ATXN2L: variants seen among roughly 807,000 people sequenced by gnomAD.
ATXN2L encodes the protein ataxin 2 like, also known as ataxin-2-like protein.
In ATXN2L, 24 loss-of-function variants were observed where a neutral mutation model predicts 120.7. The ratio of observed to expected loss-of-function variants is 0.20; its 90% CI spans 0.14 to 0.28. ATXN2L has a LOEUF of 0.28. ATXN2L is among the 10% of genes least tolerant of loss of function. The probability of loss-of-function intolerance (pLI) is 1.00; values close to 1 mark genes in which losing one functional copy is unlikely to be tolerated. For synonymous variants in ATXN2L, 653 were observed against 568.1 expected (o/e 1.15, Z -2.13); for missense variants, 1,312 against 1,432.3 (o/e 0.92, Z 1.36).
chr16:28,827,880 T>C, intron 6 of ATXN2L, among the ~76,000 whole-genome samples: 1 of 152,240 alleles, frequency 6.6e-6, no homozygotes, highest in East Asian at 1.9e-4. Flanking sequence ...GCCACTGTGC[T>C]CCAGCCTGGG....
In ATXN2L at chr16:28,823,539, G is replaced by T; in HGVS notation, c.280G>T (p.Ala94Ser). The T allele has an allele frequency of 7.3e-7, 1 of 1,367,132 alleles. No homozygotes were observed. Among genetic ancestry groups the T allele is most frequent in the Non-Finnish European group, 9.4e-7 (1 of 1,062,718 alleles). 84.7% of individuals were successfully genotyped at this position (1,367,132 alleles called of 1,614,324 possible). A position where few individuals can be genotyped will look rare whatever the true frequency, so the allele number is the denominator to read the frequency against. The stretch of plus-strand genomic sequence containing the variant: ...GCAACACCAGGAGAGGCCGGGGGCA[G>T]CCGCCATCGGCAGCGCCAGGTGAGA... ...PQQHQERPGA[A>S]AIGSARGQST... The change falls in exon 1 of 22, where the codon GCC becomes TCC. Residue 94 changes from alanine to serine, a missense_variant. Transcript: ENST00000336783.
chr16:28,832,778 A>G (rs1239207694), intron 12 of ATXN2L, 39 bp from the exon 13 acceptor site: 3 of 1,603,032 alleles, frequency 1.9e-6, no homozygotes, highest in Non-Finnish European at 2.6e-6. Flanking sequence ...TAGAGAAAGA[A>G]TGTTTTGTAT....
chr16:28,834,086 A>G lies in ATXN2L; in HGVS notation c.2047A>G (p.Thr683Ala), dbSNP rs571133202. The G allele has an allele frequency of 1.1e-5, 18 of 1,613,770 alleles. No individual in the cohort carries two copies. In the East Asian group the frequency reaches 1.3e-4, roughly 12 times the overall value. The change falls in exon 16 of 22, where the codon ACT (threonine) becomes GCT (alanine). Residue 683 changes from threonine to alanine, a missense_variant. Physicochemically the swap from Thr to Ala is moderately conservative, Grantham distance 58. Transcript: ENST00000336783. ...LSVNKSTSTP[T>A]SPGPRTHSTP... The stretch of plus-strand genomic sequence containing the variant: ...GCAGAATAAATCCACCAGTACCCCA[A>G]CTTCTCCGGGGCCCCGGACTCATTC...
Position 28,832,878 on chromosome 16 carries a change from C to T in ATXN2L, c.1650C>T (p.Ala550=), listed in dbSNP as rs778525944. 1.9e-6 allele frequency: 3 copies of T among 1,614,038 alleles called. No homozygotes were observed. Among genetic ancestry groups the T allele is most frequent in the South Asian group, 1.1e-5 (1 of 91,078 alleles). The change falls in exon 13 of 22, where the codon GCC becomes GCT. Residue 550 remains alanine (A), a synonymous_variant. Transcript: ENST00000336783. ...TGGAAGAACTGAGAAAGTTTGGGGC[C>T]CAGTTTAAGGTGAGAGAAGAGTGAG... is the stretch of plus-strand genomic sequence containing the variant. ...FQLEELRKFG[A]QFKLQPSSSP... is the part of the protein sequence containing the mutation.
chr16:28,826,201 G>C, intron 4 of ATXN2L, 39 bp from the exon 5 acceptor site: 1 of 1,605,666 alleles, frequency 6.2e-7, no homozygotes. Context: ...CACTTTTCTT[G>C]AAACTGACCC....
At position 28,836,457 on chromosome 16, in the gene ATXN2L, G is replaced by A; in HGVS notation, c.*192G>A. ...CCCCACTGCCTCCCCAGCTCTCAGT[G>A]ACCCCGACTGTCTCCTGACTTAGCC... On this transcript the variant is annotated 3_prime_UTR_variant, in exon 22 of 22. Coordinates refer to ENST00000336783, the MANE Select transcript of ATXN2L (RefSeq NM_007245.4). 6.2e-7 allele frequency: 1 copy of A among 1,612,320 alleles called. No individual in the cohort carries two copies. Among genetic ancestry groups the A allele is most frequent in the East Asian group, 2.2e-5 (1 of 44,856 alleles).
intron 15 of ATXN2L, chr16:28,833,751 A>T: frequency 1.6e-6 from 1 of 610,514 alleles, no homozygotes; most frequent in Non-Finnish European, 2.9e-6. Context: ...AGGGGTTAAC[A>T]GGCTTTTCTT....
In ATXN2L at chr16:28,836,332, G is replaced by C; in HGVS notation, c.*67G>C. 1 of 1,612,844 alleles carries C rather than the reference G, an allele frequency of 6.2e-7. No individual in the cohort carries two copies. The highest frequency in any genetic ancestry group is 8.5e-7 in the Non-Finnish European group (1 of 1,179,526). ...CCTGCACCTGTCTGTGAAGTATGTA[G>C]GGTGGGCAGAAGCCACAGTCGCCGC... On this transcript the variant is annotated 3_prime_UTR_variant, in exon 22 of 22. Coordinates refer to ENST00000336783, the MANE Select transcript of ATXN2L (RefSeq NM_007245.4).
intron 8 of ATXN2L, 78 bp downstream of exon 8, chr16:28,830,136 T>C (rs372763160): frequency 1.7e-5 from 23 of 1,392,756 alleles, no homozygotes; most frequent in African/African-American, 7.2e-5. Flanking sequence ...TGATGAGTGC[T>C]GTGGTTTAAG....
intron 10 of ATXN2L, among the ~76,000 whole-genome samples, chr16:28,831,572 C>T (rs560225197): frequency 3.9e-5 from 6 of 152,178 alleles, no homozygotes; most frequent in Non-Finnish European, 8.8e-5. Flanking sequence ...TTGTGATCCT[C>T]CCACCTTGGT....
At position 28,836,046 on chromosome 16, in the gene ATXN2L, C is replaced by A; in HGVS notation, c.3009C>A (p.Gly1003=). The A allele has an allele frequency of 1.2e-6, 2 of 1,601,098 alleles. No individual in the cohort carries two copies. Among genetic ancestry groups the A allele is most frequent in the Admixed American group, 1.7e-5 (1 of 58,430 alleles). The change falls in exon 22 of 22, where the codon GGC becomes GGA. Residue 1003 remains glycine, a synonymous_variant. Transcript: ENST00000336783. The stretch of plus-strand genomic sequence containing the variant: ...AGAGTCATGGGGGGCCCCCCCAAGG[C>A]GCGGTGCCCCAGAGTGGGGTGCCTG... ...PPQSHGGPPQ[G]AVPQSGVPAL... is the part of the protein sequence containing the mutation.
At chr16:28,835,877 T>C in intron 21 of ATXN2L, 56 bp from the exon 22 acceptor site, 1 of 1,567,026 alleles carries the variant, frequency 6.4e-7, no homozygotes, top group East Asian at 2.3e-5. Context: ...ACTCTGGCTC[T>C]CAGAGTCTGT....
Position 28,823,539 on chromosome 16 carries a change from G to A in ATXN2L, c.280G>A (p.Ala94Thr). ...GCAACACCAGGAGAGGCCGGGGGCA[G>A]CCGCCATCGGCAGCGCCAGGTGAGA... Reference protein sequence around the residue: ...PQQHQERPGAAAIGSARGQST... With the variant: ...PQQHQERPGATAIGSARGQST... Residue 94 changes from alanine (A) to threonine (T), a missense_variant, in exon 1 of 22, where the codon GCC becomes ACC. Ala to Thr is a moderately conservative substitution (Grantham distance 58, BLOSUM62 0). Transcript: ENST00000336783. 1 of 1,367,132 alleles carries A rather than the reference G, an allele frequency of 7.3e-7. No individual in the cohort carries two copies. The highest frequency in any genetic ancestry group is 9.4e-7 in the Non-Finnish European group (1 of 1,062,718). 84.7% of individuals were successfully genotyped at this position (1,367,132 alleles called of 1,614,324 possible). A position where few individuals can be genotyped will look rare whatever the true frequency, so the allele number is the denominator to read the frequency against.
rs1424589842 is a variant in ATXN2L, at chr16:28,836,745, C to A, written c.*480C>A. 1 of 1,614,050 alleles carries A rather than the reference C, an allele frequency of 6.2e-7. No individual in the cohort carries two copies. The highest frequency in any genetic ancestry group is 1.1e-5 in the South Asian group (1 of 91,080). The stretch of plus-strand genomic sequence containing the variant: ...CCAACCAGTTCAATCTCATCCCTCC[C>A]AGCAGCTCCCCTTCCACCCCCCGGG... On this transcript the variant is annotated 3_prime_UTR_variant, in exon 22 of 22. Transcript: ENST00000336783.
rs758898312 is a variant in ATXN2L, at chr16:28,832,359, T to A, written c.1476T>A (p.Ile492=). 2 of 1,614,200 alleles carry A rather than the reference T, an allele frequency of 1.2e-6. No individual in the cohort carries two copies. The highest frequency in any genetic ancestry group is 1.7e-6 in the Non-Finnish European group (2 of 1,180,046). ...SSVSDPGVGS[I]SPASPKISLA... ...TCTCAGATCCTGGAGTGGGCTCCAT[T>A]TCTCCAGCTTCTCCAAAGATCTCCC... Residue 492 remains isoleucine, a synonymous_variant, in exon 11 of 22, where the codon ATT becomes ATA. Coordinates refer to ENST00000336783, the MANE Select transcript of ATXN2L (RefSeq NM_007245.4).
At chr16:28,827,083 G>A in intron 6 of ATXN2L, 97 bp downstream of exon 6, 2 of 1,201,324 alleles carry the variant, frequency 1.7e-6, no homozygotes, top group Non-Finnish European at 2.2e-6. Flanking sequence ...ATTTACTGTT[G>A]CCCATTGATG....
intron 2 of ATXN2L, 103 bp from the exon 3 acceptor site, chr16:28,825,521 G>GCA: frequency 6.5e-7 from 1 of 1,528,428 alleles, no homozygotes; most frequent in Non-Finnish European, 9.1e-7. Context: ...TGTGGGCCCG[G>GCA]CACACACAAG....
chr16:28,824,597 T>C (rs994457750), intron 1 of ATXN2L: 1 of 1,238,978 alleles, frequency 8.1e-7, no homozygotes, highest in African/African-American at 1.5e-5. Context: ...GTGGAGGGGA[T>C]ACCCCTCCTC....
At chr16:28,830,535 A>T (rs1428058784) in intron 8 of ATXN2L, 80 bp from the exon 9 acceptor site, 21 of 1,369,366 alleles carry the variant, frequency 1.5e-5, no homozygotes, top group Non-Finnish European at 2.0e-5. Context: ...GAAGGGGGAG[A>T]CTTTAGAAGA....
Sources: allele counts gnomAD v4.1 joint callset (sites outside exome capture counted in the v4.1 genomes callset), GRCh38; gene constraint gnomAD v4.1.1; transcripts MANE v1.5; gene names NCBI Gene and HGNC (gene_info 2026-07-23, HGNC 2026-07-21).